Variants in ZBTB7C observed in about 807,000 individuals in gnomAD.
ZBTB7C encodes zinc finger and BTB domain containing 7C, also known as zinc finger and BTB domain-containing protein 7C.
A neutral mutation model predicts 25.7 loss-of-function variants in ZBTB7C; 8 were observed. That is an observed-to-expected ratio of 0.31 (90% CI 0.18 to 0.56). ZBTB7C has a LOEUF of 0.56. Ranked by LOEUF, ZBTB7C falls within the 20% of genes least tolerant of loss-of-function variation. The pLI is 0.91. For missense variants in ZBTB7C, 824 were observed against 855.2 expected (o/e 0.96, Z 0.46); for synonymous variants, 394 against 369.0 (o/e 1.07, Z -0.78).
At chr18:48,382,055 T>G (rs756488284) in intron 1 of ZBTB7C, among the ~76,000 whole-genome samples, 1 of 152,216 alleles carries the variant, frequency 6.6e-6, no homozygotes, top group Non-Finnish European at 1.5e-5. Context: ...GAAACAATAA[T>G]ACAATTGATT....
intron 2 of ZBTB7C, among the ~76,000 whole-genome samples, chr18:48,266,239 G>A (rs192351214): frequency 2.6e-5 from 4 of 152,278 alleles, no homozygotes; most frequent in East Asian, 1.9e-4. Context: ...CCAGGCCTCC[G>A]ATCCCACAAC....
At position 48,192,794 on chromosome 18, in the gene ZBTB7C, A is replaced by G. The variant is rs565915381; in HGVS notation, c.-78-6799T>C. Among the ~76,000 whole-genome samples, 11 of 152,342 alleles carry G rather than the reference A, an allele frequency of 7.2e-5. No individual in the cohort carries two copies. In the South Asian group the frequency reaches 1.2e-3, roughly 17 times the overall value. On this transcript the variant is annotated intron_variant, in intron 2 of 4. Coordinates refer to ENST00000590800, the MANE Select transcript of ZBTB7C (RefSeq NM_001318841.2). ...GACTTTAGTTCATAACAATGTGTCAATATTGTGTCATCGATTATAACAAAT... is the reference window on the plus strand; with the variant it reads ...GACTTTAGTTCATAACAATGTGTCAGTATTGTGTCATCGATTATAACAAAT...
intron 3 of ZBTB7C, among the ~76,000 whole-genome samples, chr18:48,114,167 G>A (rs1418077632): frequency 1.3e-5 from 2 of 152,184 alleles, no homozygotes; most frequent in Non-Finnish European, 2.9e-5. Context: ...GGGGACACTG[G>A]GAACTGATGG....
chr18:48,078,939 T>C (rs2037875595), intron 3 of ZBTB7C, among the ~76,000 whole-genome samples: 1 of 141,752 alleles, frequency 7.1e-6, no homozygotes, highest in Non-Finnish European at 1.5e-5. Flanking sequence ...AATTTGTTCA[T>C]TCATTCATTC....
intron 1 of ZBTB7C, among the ~76,000 whole-genome samples, chr18:48,342,752 A>T (rs1205120948): frequency 6.6e-6 from 1 of 152,070 alleles, no homozygotes; most frequent in Admixed American, 6.6e-5. Context: ...CAGAAAAATT[A>T]AGGAGCCACT....
intron 2 of ZBTB7C, among the ~76,000 whole-genome samples, chr18:48,264,795 G>C (rs1464493999): frequency 1.3e-5 from 2 of 152,180 alleles, no homozygotes; most frequent in African/African-American, 4.8e-5. Context: ...AGCCAAAAGG[G>C]CAGCCTGTAG....
intron 2 of ZBTB7C, among the ~76,000 whole-genome samples, chr18:48,297,453 G>A (rs1011543302): frequency 2.0e-5 from 3 of 152,106 alleles, no homozygotes; most frequent in African/African-American, 7.2e-5. Flanking sequence ...TGCATCGGCT[G>A]TTCATTGCCT....
At position 48,028,878 on chromosome 18, in the gene ZBTB7C, C is replaced by T. The variant is rs1183257226; in HGVS notation, c.*382G>A. 4.1e-6 allele frequency: 1 copy of T among 243,534 alleles called. No individual in the cohort carries two copies. Among genetic ancestry groups the T allele is most frequent in the Admixed American group, 5.9e-5 (1 of 16,974 alleles). 15.1% of individuals were successfully genotyped at this position (243,534 alleles called of 1,614,324 possible). ...GGCTTAACCAAGGTGCATGCCCAGC[C>T]CCTACCTCCTCCTGCTGTGGCTGGC... On this transcript the variant is annotated 3_prime_UTR_variant, in exon 5 of 5. Transcript: ENST00000590800.
chr18:48,030,989 GCT>G (rs1363908991), intron 4 of ZBTB7C, among the ~76,000 whole-genome samples: 1 of 152,236 alleles, frequency 6.6e-6, no homozygotes, highest in Non-Finnish European at 1.5e-5. Context: ...GGGCCAGGAA[GCT>G]CTGTGTCTAG....
chr18:48,306,716 T>C (rs904553774), intron 2 of ZBTB7C, among the ~76,000 whole-genome samples: 5 of 152,196 alleles, frequency 3.3e-5, no homozygotes, highest in African/African-American at 4.8e-5. Flanking sequence ...GCTCAGGAAC[T>C]GTCCCCAGGT....
At chr18:48,091,933 C>T (rs1244008203) in intron 3 of ZBTB7C, among the ~76,000 whole-genome samples, 1 of 152,210 alleles carries the variant, frequency 6.6e-6, no homozygotes, top group East Asian at 1.9e-4. Flanking sequence ...ACACCCAACT[C>T]CTCCAGTCCT....
At chr18:48,084,273 G>A (rs889362265) in intron 3 of ZBTB7C, among the ~76,000 whole-genome samples, 2 of 152,306 alleles carry the variant, frequency 1.3e-5, no homozygotes, top group South Asian at 2.1e-4. Flanking sequence ...GCCAGAGGTC[G>A]GGGGACTGCA....
chr18:48,359,421 C>T (rs62086520), intron 1 of ZBTB7C, among the ~76,000 whole-genome samples: 28,114 of 152,180 alleles, frequency 0.18, 3,460 homozygotes, highest in Non-Finnish European at 0.27. Context: ...TCTTATAATA[C>T]ATAACAACAC....
chr18:48,221,151 TTGTCCTAGTCTCCCTCTATAC>T (rs1191563112), intron 2 of ZBTB7C, among the ~76,000 whole-genome samples: 1 of 149,108 alleles, frequency 6.7e-6, no homozygotes, highest in African/African-American at 2.5e-5. Flanking sequence ...CTCCTCTATA[TTGTCCTAGTCTCCCTCTATAC>T]TATCCTTGTC....
intron 2 of ZBTB7C, among the ~76,000 whole-genome samples, chr18:48,229,789 G>A (rs1426487990): frequency 2.0e-5 from 3 of 152,138 alleles, no homozygotes; most frequent in Non-Finnish European, 2.9e-5. Context: ...CTTCCTGACT[G>A]TCCATCTCCC....
At chr18:48,162,018 CGGGCGGGCGG>C (rs1347013082) in intron 3 of ZBTB7C, among the ~76,000 whole-genome samples, 1 of 138,106 alleles carries the variant, frequency 7.2e-6, no homozygotes, top group African/African-American at 2.5e-5. Flanking sequence ...GGCGCCTGCC[CGGGCGGGCGG>C]GACCCGCACT....
At chr18:48,080,535 C>T (rs2037941325) in intron 3 of ZBTB7C, among the ~76,000 whole-genome samples, 1 of 152,222 alleles carries the variant, frequency 6.6e-6, no homozygotes, top group African/African-American at 2.4e-5. Flanking sequence ...TCCATCTAAC[C>T]CGTCAAGCTG....
chr18:48,082,370 G>T (rs1484243680), intron 3 of ZBTB7C, among the ~76,000 whole-genome samples: 1 of 152,138 alleles, frequency 6.6e-6, no homozygotes, highest in Non-Finnish European at 1.5e-5. Flanking sequence ...GTCATCTTGG[G>T]TATTTTCAAC....
intron 3 of ZBTB7C, among the ~76,000 whole-genome samples, chr18:48,102,993 G>A (rs2038887384): frequency 6.6e-6 from 1 of 150,378 alleles, no homozygotes; most frequent in Admixed American, 6.6e-5. Flanking sequence ...AGGCAGGAAA[G>A]ACAAATATAA....
Sources: allele counts gnomAD v4.1 joint callset (sites outside exome capture counted in the v4.1 genomes callset), GRCh38; gene constraint gnomAD v4.1.1; transcripts MANE v1.5; gene names NCBI Gene and HGNC (gene_info 2026-07-23, HGNC 2026-07-21).